Variants in RAB40C observed in about 807,000 individuals in gnomAD.
RAB40C encodes ras-related protein Rab-40C.
RAB40C carries 8 observed loss-of-function variants against 28.1 expected under a neutral mutation model. The observed-to-expected ratio is 0.28, with a 90% confidence interval of 0.17 to 0.51. RAB40C has a LOEUF of 0.51. Among genes scored for constraint, RAB40C ranks in the 20% least tolerant of loss-of-function variants. RAB40C has a pLI of 0.97. For synonymous variants in RAB40C, 201 were observed against 171.7 expected (o/e 1.17, Z -1.34); for missense variants, 288 against 405.9 (o/e 0.71, Z 2.50).
At chr16:605,338 G>C (rs112618169) in intron 1 of RAB40C, among the ~76,000 whole-genome samples, 6,045 of 152,286 alleles carry the variant, frequency 0.04, 158 homozygotes, top group Middle Eastern at 0.082. Flanking sequence ...TCAGCTTTCC[G>C]TCTTTTAATT....
rs776993944 is a variant in RAB40C at position 627,475 on chromosome 16, G to A, written c.699G>A (p.Ala233=). ...TCTCGATGGCCAACGGCATGAACGCGGTCATGATGCACGGCCGTTCCTACT... is the reference window on the plus strand; with the variant it reads ...TCTCGATGGCCAACGGCATGAACGCAGTCATGATGCACGGCCGTTCCTACT... ...KSFSMANGMN[A]VMMHGRSYSL... is the part of the protein sequence containing the mutation. The change falls in exon 6 of 6, where the codon GCG becomes GCA. Residue 233 remains alanine, a synonymous_variant. Transcript: ENST00000248139. 2.7e-5 allele frequency: 44 copies of A among 1,613,886 alleles called. No individual in the cohort carries two copies. The highest frequency in any genetic ancestry group is 4.5e-5 in the East Asian group (2 of 44,900).
intron 1 of RAB40C, among the ~76,000 whole-genome samples, chr16:609,467 A>G (rs540553185): frequency 2.4e-4 from 36 of 152,174 alleles, no homozygotes; most frequent in African/African-American, 5.1e-4. Context: ...GCCCAAAAGA[A>G]GCGGCCACGA....
intron 3 of RAB40C, chr16:624,598 C>T: frequency 1.0e-6 from 1 of 985,292 alleles, no homozygotes; most frequent in Non-Finnish European, 1.2e-6. Flanking sequence ...ACAGTGCCCT[C>T]TTCTTTCAGC....
chr16:606,728 T>G (rs1479287260), intron 1 of RAB40C, among the ~76,000 whole-genome samples: 1 of 152,240 alleles, frequency 6.6e-6, no homozygotes, highest in Non-Finnish European at 1.5e-5. Flanking sequence ...GGAGGGCCCT[T>G]GCCCATCTGC....
chr16:619,149 G>C (rs1229635319), intron 3 of RAB40C, among the ~76,000 whole-genome samples: 69 of 144,524 alleles, frequency 4.8e-4, no homozygotes, highest in Non-Finnish European at 9.1e-5. Flanking sequence ...GTGCTCAGGT[G>C]TGGTGTACTT....
chr16:597,755 G>C (rs1158655142), intron 1 of RAB40C, among the ~76,000 whole-genome samples: 1 of 151,562 alleles, frequency 6.6e-6, no homozygotes, highest in Non-Finnish European at 1.5e-5. Flanking sequence ...TCCCAAAGTT[G>C]GTGGAATTAC....
At position 623,679 on chromosome 16, in the gene RAB40C, G is replaced by A. The variant is rs1187832754; in HGVS notation, c.265-1753G>A. ...AAATCATGCTGGGCTGGGCACAGTG[G>A]CTCACACCTCTGATCCCAGCACTTT... On this transcript the variant is annotated intron_variant, in intron 3 of 5. Coordinates refer to ENST00000248139, the MANE Select transcript of RAB40C (RefSeq NM_021168.5). Among the ~76,000 whole-genome samples, 3 of 152,010 alleles carry A rather than the reference G, an allele frequency of 2.0e-5. No individual in the cohort carries two copies. The East Asian group carries it at 5.8e-4, about 29-fold the overall frequency.
At chr16:626,173 T>G (rs1415543136) in intron 5 of RAB40C, 52 bp downstream of exon 5, 7 of 1,535,102 alleles carry the variant, frequency 4.6e-6, no homozygotes, top group Non-Finnish European at 6.3e-6. Context: ...TGGGCTGCCC[T>G]GATCACATGG....
chr16:620,829 AC>A (rs992621816), intron 3 of RAB40C, among the ~76,000 whole-genome samples: 2 of 48,572 alleles, frequency 4.1e-5, no homozygotes, highest in South Asian at 1.7e-3. Context: ...CATCCCAGCC[AC>A]CCCCCCCGAC....
At chr16:611,798 C>T (rs1432007729) in intron 1 of RAB40C, among the ~76,000 whole-genome samples, 3 of 53,630 alleles carry the variant, frequency 5.6e-5, no homozygotes, top group Non-Finnish European at 1.0e-4. Context: ...GAATCAAGAG[C>T]AAGGGACAGC....
At chr16:616,103 A>G (rs1041193237) in intron 1 of RAB40C, among the ~76,000 whole-genome samples, 3 of 151,942 alleles carry the variant, frequency 2.0e-5, no homozygotes, top group African/African-American at 7.2e-5. Flanking sequence ...TAAAAATACA[A>G]AAAATTATCC....
At chr16:617,389 A>G (rs933941748) in intron 2 of RAB40C, 121 bp downstream of exon 2, 2 of 1,154,062 alleles carry the variant, frequency 1.7e-6, no homozygotes, top group African/African-American at 1.5e-5. Context: ...AGCCACTTAC[A>G]CAGCCCCTGT....
Position 625,884 on chromosome 16 carries a change from G to A in RAB40C, c.343-15G>A, listed in dbSNP as rs767469226. 6.8e-6 allele frequency: 11 copies of A among 1,607,558 alleles called. No individual in the cohort carries two copies. Among genetic ancestry groups the A allele is most frequent in the South Asian group, 3.3e-5 (3 of 90,436 alleles). ...CACCCTGCGTTTGTGCGTCTGCTGA[G>A]TTCTGTGCCCCCAGCATGCACCCGG... On this transcript the variant is annotated splice_polypyrimidine_tract_variant and intron_variant, in intron 4 of 5. Coordinates refer to ENST00000248139, the MANE Select transcript of RAB40C (RefSeq NM_021168.5).
chr16:597,106 G>C (rs993769896), intron 1 of RAB40C, among the ~76,000 whole-genome samples: 1 of 152,168 alleles, frequency 6.6e-6, no homozygotes, highest in Non-Finnish European at 1.5e-5. Context: ...GTAGCAGGGG[G>C]AGGTGGTCCA....
chr16:598,488 G>A (rs1421007702), intron 1 of RAB40C, among the ~76,000 whole-genome samples: 4 of 151,574 alleles, frequency 2.6e-5, no homozygotes, highest in African/African-American at 9.7e-5. Context: ...TTGAACCTGG[G>A]TGGCGGAGGT....
At chr16:602,436 AT>A (rs575601211) in intron 1 of RAB40C, among the ~76,000 whole-genome samples, 1 of 151,554 alleles carries the variant, frequency 6.6e-6, no homozygotes, top group South Asian at 2.1e-4. Context: ...TTAATAAATT[AT>A]TTTTTTATTT....
intron 1 of RAB40C, among the ~76,000 whole-genome samples, chr16:600,661 G>C (rs560610082): frequency 6.6e-6 from 1 of 152,366 alleles, no homozygotes; most frequent in East Asian, 1.9e-4. Context: ...TGAGGCAGGA[G>C]AATCGCTTGA....
intron 1 of RAB40C, among the ~76,000 whole-genome samples, chr16:599,952 G>T (rs12447820): frequency 0.034 from 314 of 9,176 alleles, 11 homozygotes; most frequent in South Asian, 0.069. Context: ...GCAAGGTTTT[G>T]TTCCCTCGTG....
At chr16:594,679 G>T (rs981669456) in intron 1 of RAB40C, among the ~76,000 whole-genome samples, 1 of 152,118 alleles carries the variant, frequency 6.6e-6, no homozygotes, top group African/African-American at 2.4e-5. Flanking sequence ...TTCGTGGGAG[G>T]TTCTAGCTGT....
Sources: allele counts gnomAD v4.1 joint callset (sites outside exome capture counted in the v4.1 genomes callset), GRCh38; gene constraint gnomAD v4.1.1; transcripts MANE v1.5; gene names NCBI Gene and HGNC (gene_info 2026-07-23, HGNC 2026-07-21).